The following ESPN variants were observed in gnomAD, a reference collection of about 807,000 sequenced individuals.
ESPN encodes the protein espin, also known as autosomal recessive deafness type 36 protein.
In ESPN, 68 loss-of-function variants were observed where a neutral mutation model predicts 77.7. The observed-to-expected ratio is 0.87, with a 90% CI of 0.72 to 1.07. ESPN has a LOEUF of 1.07. Ranked by LOEUF, ESPN falls within the 50% of genes least tolerant of loss-of-function variation. The pLI is 0.00. For synonymous variants in ESPN, 449 were observed against 567.1 expected (o/e 0.79, Z 2.96); for missense variants, 1,060 against 1,239.0 (o/e 0.86, Z 2.17).
In ESPN at chr1:6,460,471, G is replaced by T; in HGVS notation, c.*325G>T. ...AGAGCTCTCCCCAGCCCCGTGGGTG[G>T]TGACTTTGTTTTCCTGCGGGGCTCA... On this transcript the variant is annotated 3_prime_UTR_variant, in exon 13 of 13. Transcript: ENST00000645284. The T allele has an allele frequency of 4.5e-6, 1 of 221,264 alleles. No homozygotes were observed. Among genetic ancestry groups the T allele is most frequent in the Non-Finnish European group, 9.0e-6 (1 of 110,974 alleles). The allele number at this position is 221,264 out of a possible 1,614,324, so 13.7% of individuals were successfully genotyped here.
At chr1:6,435,908 C>G (rs1216194248) in intron 2 of ESPN, among the ~76,000 whole-genome samples, 2 of 152,266 alleles carry the variant, frequency 1.3e-5, no homozygotes, top group Admixed American at 6.5e-5. Context: ...AGGATGACAA[C>G]TGTTGTCCCC....
chr1:6,460,288 G>A lies in ESPN; in HGVS notation c.*142G>A. ...GAAACCCTCCCTGACCCCCACCCTG[G>A]CCCCCCGTATCCCCAGCCCTTGGCA... On this transcript the variant is annotated 3_prime_UTR_variant, in exon 13 of 13. Transcript: ENST00000645284. 3.7e-6 allele frequency: 4 copies of A among 1,090,712 alleles called. No homozygotes were observed. The highest frequency in any genetic ancestry group is 3.9e-6 in the Non-Finnish European group (3 of 770,980). The allele number at this position is 1,090,712 out of a possible 1,614,324, so 67.6% of individuals were successfully genotyped here. A position where few individuals can be genotyped will look rare whatever the true frequency, so the allele number is the denominator to read the frequency against.
At chr1:6,434,909 C>T (rs1291106051) in intron 2 of ESPN, among the ~76,000 whole-genome samples, 1 of 151,998 alleles carries the variant, frequency 6.6e-6, no homozygotes, top group Non-Finnish European at 1.5e-5. Context: ...GCCTCGCAGC[C>T]CTGCCTTGAT....
At chr1:6,459,675 C>G (rs1644121449) in intron 12 of ESPN, among the ~76,000 whole-genome samples, 1 of 152,104 alleles carries the variant, frequency 6.6e-6, no homozygotes, top group African/African-American at 2.4e-5. Flanking sequence ...AAGTCCTGGT[C>G]CCAGTAATCT....
Position 6,460,475 on chromosome 1 carries a change from CTT to C in ESPN, c.*331_*332del, listed in dbSNP as rs1047249123. On this transcript the variant is annotated 3_prime_UTR_variant, in exon 13 of 13. Coordinates refer to ENST00000645284, the MANE Select transcript of ESPN (RefSeq NM_031475.3). Reference sequence around the variant, plus strand: ...CTCTCCCCAGCCCCGTGGGTGGTGACTTTGTTTTCCTGCGGGGCTCAGCCCCC... The same window carrying C: ...CTCTCCCCAGCCCCGTGGGTGGTGACTGTTTTCCTGCGGGGCTCAGCCCCC... 2.8e-5 allele frequency: 6 copies of C among 216,474 alleles called. No individual in the cohort carries two copies. The highest frequency in any genetic ancestry group is 1.8e-3 in the Middle Eastern group (1 of 542). The allele number at this position is 216,474 out of a possible 1,614,324, so 13.4% of individuals were successfully genotyped here.
At chr1:6,440,600 C>CCCCAAAA in intron 3 of ESPN, 26 bp from the exon 4 acceptor site, 2 of 1,207,212 alleles carry the variant, frequency 1.7e-6, no homozygotes, top group Non-Finnish European at 1.1e-6. Flanking sequence ...AGCCCCCGCC[C>CCCCAAAA]CCCTCTCCCC....
chr1:6,434,802 G>C (rs541515000), intron 2 of ESPN, among the ~76,000 whole-genome samples: 1 of 152,306 alleles, frequency 6.6e-6, no homozygotes, highest in South Asian at 2.1e-4. Context: ...GAGCAGTTTG[G>C]TAGGAAGCGA....
chr1:6,448,664 CG>C lies in ESPN; in HGVS notation c.1491del (p.Leu498CysfsTer148). The C allele has an allele frequency of 6.4e-7, 1 of 1,560,422 alleles. No individual in the cohort carries two copies. Reference sequence around the variant, plus strand: ...AGCTGAGCTCCTGTGACGGCCACGACGGGCTGCGGAGGCAGGACTCCAGCCG... The same window carrying C: ...AGCTGAGCTCCTGTGACGGCCACGACGGCTGCGGAGGCAGGACTCCAGCCG... Reference protein sequence around the residue: ...KELSSCDGHDGLRRQDSSRKP... With the variant: ...KELSSCDGHDXLRRQDSSRKP... On this transcript the variant is annotated frameshift_variant, in exon 8 of 13. Coordinates refer to ENST00000645284, the MANE Select transcript of ESPN (RefSeq NM_031475.3). LOFTEE classifies it high-confidence loss of function.
intron 6 of ESPN, 73 bp from the exon 7 acceptor site, chr1:6,445,591 G>T (rs1330530317): frequency 4.6e-6 from 7 of 1,536,488 alleles, no homozygotes; most frequent in Non-Finnish European, 6.2e-6. Flanking sequence ...TTTCCAGGTG[G>T]TGGAGAGTCT....
intron 2 of ESPN, among the ~76,000 whole-genome samples, chr1:6,438,053 G>C (rs1163013086): frequency 6.6e-6 from 1 of 152,090 alleles, no homozygotes; most frequent in East Asian, 1.9e-4. Context: ...TTGATCTAGG[G>C]GGTGAAACAC....
At position 6,447,796 on chromosome 1, in the gene ESPN, C is replaced by G. The variant is rs557727766; in HGVS notation, c.1465-845C>G. Among the ~76,000 whole-genome samples the G allele has an allele frequency of 6.6e-6, 1 of 152,080 alleles. No homozygotes were observed. ...CTCCTCTGCCCACAGTCAGCCCTCT[C>G]CCCTCTCGGGCGGGGATGAAGGTGG... On this transcript the variant is annotated intron_variant, in intron 7 of 12. Coordinates refer to ENST00000645284, the MANE Select transcript of ESPN (RefSeq NM_031475.3). This position sits in a 1 kb window ranked among gnomAD's most constrained non-coding sequence, Gnocchi z 5.2.
At position 6,440,638 on chromosome 1, in the gene ESPN, G is replaced by A. The variant is rs765409327; in HGVS notation, c.688G>A (p.Asp230Asn). Residue 230 changes from aspartate to asparagine, a missense_variant, in exon 4 of 13, where the codon GAC becomes AAC. Around this residue, in one of 3 missense-constraint regions of ESPN, gnomAD observed 556 missense variants for 633.6 expected, o/e 0.88. Coordinates refer to ENST00000645284, the MANE Select transcript of ESPN (RefSeq NM_031475.3). Reference sequence around the variant, plus strand: ...CCGTCCCGCCCAGGTGAGCTGCACCGACGTGAGCCTGTCCGAGCAGGACAA... The same window carrying A: ...CCGTCCCGCCCAGGTGAGCTGCACCAACGTGAGCCTGTCCGAGCAGGACAA... ...PVIVWLVSCT[D>N]VSLSEQDKDG... 83 of 838,578 alleles carry A rather than the reference G, an allele frequency of 9.9e-5. No individual in the cohort carries two copies. The highest frequency in any genetic ancestry group is 1.4e-4 in the Non-Finnish European group (80 of 580,002). The allele number at this position is 838,578 out of a possible 1,614,324, so 51.9% of individuals were successfully genotyped here. A position where few individuals can be genotyped will look rare whatever the true frequency, so the allele number is the denominator to read the frequency against.
rs371702207 is a variant in ESPN, at chr1:6,450,433, T to C, written c.1916-1170T>C. The C allele has an allele frequency of 7.7e-3, 7,506 of 970,796 alleles. 72 individuals are homozygous for C. The highest frequency in any genetic ancestry group is 0.04 in the South Asian group (844 of 20,996). The allele number at this position is 970,796 out of a possible 1,614,324, so 60.1% of individuals were successfully genotyped here. ...TAACTCCGCTGTCACTTCTCTCCTC[T>C]TGGTCCCTAGAAGTGAGAGTCCTGA... On this transcript the variant is annotated intron_variant, in intron 8 of 12. Transcript: ENST00000645284. The surrounding 1 kb of genome is among the most constrained non-coding windows in gnomAD (Gnocchi z 4.3).
At position 6,427,254 on chromosome 1, in the gene ESPN, A is replaced by G. The variant is rs778210378; in HGVS notation, c.295-972A>G. Among the ~76,000 whole-genome samples the G allele has an allele frequency of 2.0e-5, 3 of 151,730 alleles. No homozygotes were observed. The highest frequency in any genetic ancestry group is 7.3e-5 in the African/African-American group (3 of 41,282). On this transcript the variant is annotated intron_variant, in intron 1 of 12. Coordinates refer to ENST00000645284, the MANE Select transcript of ESPN (RefSeq NM_031475.3). This position sits in a 1 kb window ranked among gnomAD's most constrained non-coding sequence, Gnocchi z 4.6. ...ACCCTGCCCACCCCTCTGTCATCCT[A>G]TGTGCTTGGTGCTGGGAGGTGGTTC...
At position 6,450,512 on chromosome 1, in the gene ESPN, C is replaced by T. The variant is rs145500049; in HGVS notation, c.1916-1091C>T. On this transcript the variant is annotated intron_variant, in intron 8 of 12. Transcript: ENST00000645284. The surrounding 1 kb of genome is among the most constrained non-coding windows in gnomAD (Gnocchi z 4.3). ...GCGGCTCCTGGCTGAGGCTGAGGCG[C>T]GGGGTGGGGGGAAGAGGCAGGAAAA... 60,030 of 942,236 alleles carry T rather than the reference C, an allele frequency of 0.064. 2,212 individuals carry two copies. Among genetic ancestry groups the T allele is most frequent in the South Asian group, 0.076 (1,551 of 20,350 alleles). 58.4% of individuals were successfully genotyped at this position (942,236 alleles called of 1,614,324 possible).
chr1:6,426,475 G>C (rs1013236577), intron 1 of ESPN, among the ~76,000 whole-genome samples: 1 of 144,366 alleles, frequency 6.9e-6, no homozygotes, highest in Non-Finnish European at 1.5e-5. Flanking sequence ...TGGGTGTGGG[G>C]GGAGAAAGTG....
rs1449739032 is a variant in ESPN at position 6,457,172 on chromosome 1, G to A, written c.2326-12G>A. 3 of 1,588,516 alleles carry A rather than the reference G, an allele frequency of 1.9e-6. No homozygotes were observed. The highest frequency in any genetic ancestry group is 1.3e-5 in the African/African-American group (1 of 74,546). ...CCCCTGCAGGCCCTGAAGCTTTGTGGTTGTGTTTCAGGAGGAGGAGGAGGA... is the reference window on the plus strand; with the variant it reads ...CCCCTGCAGGCCCTGAAGCTTTGTGATTGTGTTTCAGGAGGAGGAGGAGGA... On this transcript the variant is annotated splice_polypyrimidine_tract_variant and intron_variant, in intron 10 of 12. Coordinates refer to ENST00000645284, the MANE Select transcript of ESPN (RefSeq NM_031475.3).
At chr1:6,435,906 A>G (rs1352665201) in intron 2 of ESPN, among the ~76,000 whole-genome samples, 1 of 152,262 alleles carries the variant, frequency 6.6e-6, no homozygotes, top group Non-Finnish European at 1.5e-5. Context: ...TCAGGATGAC[A>G]ACTGTTGTCC....
At position 6,424,788 on chromosome 1, in the gene ESPN, A is replaced by C. The variant is rs1223313034; in HGVS notation, c.-168A>C. On this transcript the variant is annotated 5_prime_UTR_variant, in exon 1 of 13. Transcript: ENST00000645284. ...GGGCTCCGGCCCCAGAGCGCGGCGG[A>C]GCGGAGCGCCAGGCAGCGCGGAGCG... is the stretch of plus-strand genomic sequence containing the variant. 1 of 686,542 alleles carries C rather than the reference A, an allele frequency of 1.5e-6. No individual in the cohort carries two copies. The highest frequency in any genetic ancestry group is 1.9e-5 in the African/African-American group (1 of 52,410). 42.5% of individuals were successfully genotyped at this position (686,542 alleles called of 1,614,324 possible).
Sources: gnomAD v4.1 joint callset for allele counts (sites outside exome capture counted in the v4.1 genomes callset) on GRCh38, gnomAD v4.1.1 for gene constraint, gnomAD v4.1.1 regional missense constraint, Gnocchi (gnomAD v3.1) non-coding constraint, MANE v1.5 for transcripts, NCBI Gene and HGNC (gene_info 2026-07-23, HGNC 2026-07-21) for gene names.